The following CRB1 variants were observed in gnomAD, a reference collection of about 807,000 sequenced individuals.
CRB1 encodes the protein protein crumbs homolog 1.
A neutral mutation model predicts 120.0 loss-of-function variants in CRB1; 83 were observed. That is an observed-to-expected ratio of 0.69 (90% CI 0.58 to 0.83). CRB1 has a LOEUF of 0.83. CRB1 is among the 40% of genes least tolerant of loss of function. The probability of loss-of-function intolerance (pLI) is 0.00; values close to 1 mark genes in which losing one functional copy is unlikely to be tolerated. For synonymous variants in CRB1, 625 were observed against 612.5 expected (o/e 1.02, Z -0.30); for missense variants, 1,699 against 1,687.6 (o/e 1.01, Z -0.12).
rs1657263022 is a variant in CRB1 at position 197,307,862 on chromosome 1, A to G, written c.71-20560A>G. Among the ~76,000 whole-genome samples the G allele has an allele frequency of 3.3e-5, 5 of 152,154 alleles. No individual in the cohort carries two copies. In the South Asian group the frequency reaches 1.0e-3, roughly 32 times the overall value. The stretch of plus-strand genomic sequence containing the variant: ...TCTCTCCCTGGTCCTTCCACTTACT[A>G]GCTACGTGACCTTGAACAAGTTACT... On this transcript the variant is annotated intron_variant, in intron 1 of 11. Transcript: ENST00000367400.
chr1:197,401,864 A>G (rs543874556), intron 5 of CRB1, among the ~76,000 whole-genome samples: 11 of 152,106 alleles, frequency 7.2e-5, no homozygotes, highest in African/African-American at 2.6e-4. Flanking sequence ...TCAGTCTTTT[A>G]TATTCAAAAT....
chr1:197,368,984 C>T (rs768089108), intron 5 of CRB1, among the ~76,000 whole-genome samples: 17 of 152,002 alleles, frequency 1.1e-4, no homozygotes, highest in Non-Finnish European at 2.4e-4. Flanking sequence ...AGTAATGTTT[C>T]CTGAGAATAG....
At chr1:197,244,058 C>T in the CRB1 span, among the ~76,000 whole-genome samples, 1 of 152,066 alleles carries the variant, frequency 6.6e-6, no homozygotes, top group South Asian at 2.1e-4. Flanking sequence ...TATTTTGAGC[C>T]TGTGTGTGTC....
chr1:197,260,515 G>GA, the CRB1 span, among the ~76,000 whole-genome samples: 4 of 149,666 alleles, frequency 2.7e-5, no homozygotes, highest in East Asian at 3.9e-4. Context: ...AGCCTGATAA[G>GA]AAAAAAAAGC....
intron 2 of CRB1, among the ~76,000 whole-genome samples, chr1:197,336,865 GAAA>G (rs913861206): frequency 2.0e-5 from 3 of 151,778 alleles, no homozygotes; most frequent in Admixed American, 6.6e-5. Context: ...ATGTTCCTAG[GAAA>G]AAAAATGGCC....
chr1:197,214,170 A>G, the CRB1 span, among the ~76,000 whole-genome samples: 3 of 152,340 alleles, frequency 2.0e-5, no homozygotes, highest in East Asian at 5.8e-4. Context: ...TAAGAAAACA[A>G]TAGAGAAGAC....
chr1:197,306,466 C>T (rs778597590), intron 1 of CRB1, among the ~76,000 whole-genome samples: 1 of 152,106 alleles, frequency 6.6e-6, no homozygotes, highest in African/African-American at 2.4e-5. Flanking sequence ...ACTTATCCTA[C>T]AGTAAACAGT....
intron 1 of CRB1, among the ~76,000 whole-genome samples, chr1:197,319,084 A>G (rs2125286473): frequency 6.6e-6 from 1 of 151,748 alleles, no homozygotes; most frequent in East Asian, 1.9e-4. Context: ...ATATAGGAAA[A>G]TCACCTTGAT....
At chr1:197,283,127 T>C (rs1047654984) in intron 1 of CRB1, among the ~76,000 whole-genome samples, 3 of 151,614 alleles carry the variant, frequency 2.0e-5, no homozygotes, top group Non-Finnish European at 3.0e-5. Context: ...AAAATAAAAA[T>C]AAACACATCA....
the CRB1 span, among the ~76,000 whole-genome samples, chr1:197,228,134 C>T: frequency 3.3e-5 from 5 of 152,242 alleles, no homozygotes; most frequent in African/African-American, 1.2e-4. Flanking sequence ...GCCATGAAGA[C>T]CTATGACATT....
At chr1:197,355,944 A>C (rs138038122) in intron 4 of CRB1, among the ~76,000 whole-genome samples, 1 of 152,240 alleles carries the variant, frequency 6.6e-6, no homozygotes, top group Admixed American at 6.5e-5. Flanking sequence ...CTGCCAGCAC[A>C]CTGTCACCTC....
upstream of CRB1, among the ~76,000 whole-genome samples, chr1:197,264,483 G>A (rs1654587746): frequency 6.6e-6 from 1 of 152,058 alleles, no homozygotes; most frequent in Non-Finnish European, 1.5e-5. Context: ...CTTTTGGGTA[G>A]CTACACAGTA....
chr1:197,202,983 CTGTG>C, the CRB1 span, among the ~76,000 whole-genome samples: 2 of 139,306 alleles, frequency 1.4e-5, no homozygotes, highest in South Asian at 4.3e-4. Context: ...GTGTGTGTGT[CTGTG>C]TGTGTGTGTG....
At chr1:197,363,832 A>T in intron 5 of CRB1, 1 of 813,172 alleles carries the variant, frequency 1.2e-6, no homozygotes, top group Non-Finnish European at 2.2e-6. Flanking sequence ...AAAACATCTG[A>T]AGTTCATCAC....
intron 11 of CRB1, among the ~76,000 whole-genome samples, chr1:197,473,085 G>A (rs1667051169): frequency 6.6e-6 from 1 of 152,160 alleles, no homozygotes; most frequent in Non-Finnish European, 1.5e-5. Flanking sequence ...TACACAGCCA[G>A]GAGTGGCAGA....
the CRB1 span, among the ~76,000 whole-genome samples, chr1:197,260,444 G>A: frequency 6.6e-6 from 1 of 151,542 alleles, no homozygotes; most frequent in Non-Finnish European, 1.5e-5. Context: ...TTTAATATAT[G>A]TATTTTAATT....
chr1:197,230,611 C>G, the CRB1 span, among the ~76,000 whole-genome samples: 2 of 152,198 alleles, frequency 1.3e-5, no homozygotes, highest in South Asian at 2.1e-4. Flanking sequence ...TCTGGTTGCT[C>G]TTGCAGGTAA....
At chr1:197,347,959 G>A (rs536968066) in intron 4 of CRB1, among the ~76,000 whole-genome samples, 3 of 97,308 alleles carry the variant, frequency 3.1e-5, no homozygotes, top group East Asian at 3.9e-4. Flanking sequence ...ATAATTAGAC[G>A]AGTATAGAGG....
chr1:197,336,509 G>A (rs1659164106), intron 2 of CRB1, among the ~76,000 whole-genome samples: 1 of 152,004 alleles, frequency 6.6e-6, no homozygotes, highest in South Asian at 2.1e-4. Flanking sequence ...AATGTTTTAT[G>A]GTGTCTTATA....
Sources: allele counts gnomAD v4.1 joint callset (sites outside exome capture counted in the v4.1 genomes callset), GRCh38; gene constraint gnomAD v4.1.1; transcripts MANE v1.5; gene names NCBI Gene and HGNC (gene_info 2026-07-23, HGNC 2026-07-21).